RAD51: variants seen among roughly 807,000 people sequenced by gnomAD.
RAD51 encodes the protein RAD51 recombinase.
Under a neutral mutation model 41.5 loss-of-function variants are expected in RAD51, and 14 were observed. The ratio of observed to expected loss-of-function variants is 0.34; its 90% confidence interval spans 0.22 to 0.53. The LOEUF is 0.53. Ranked by LOEUF, RAD51 falls within the 20% of genes least tolerant of loss-of-function variation. RAD51 has a pLI of 0.95. For synonymous variants in RAD51, 136 were observed against 148.6 expected, an observed-to-expected ratio of 0.92 and a Z score of 0.62; for missense variants, 234 against 422.0, an observed-to-expected ratio of 0.55 and a Z score of 3.90.
chr15:40,719,154 T>C (rs1379553026), intron 6 of RAD51, among the ~76,000 whole-genome samples: 1 of 150,638 alleles, frequency 6.6e-6, no homozygotes, highest in African/African-American at 2.4e-5. Context: ...GCCTCCCGGG[T>C]TCAAGCAACT....
intron 1 of RAD51, among the ~76,000 whole-genome samples, chr15:40,698,162 T>C (rs1341147790): frequency 6.6e-6 from 1 of 151,944 alleles, no homozygotes; most frequent in East Asian, 1.9e-4. Context: ...ACTGTTCTAT[T>C]TGTTCCTTGT....
chr15:40,712,471 G>A (rs2141843753), intron 5 of RAD51, among the ~76,000 whole-genome samples: 1 of 152,312 alleles, frequency 6.6e-6, no homozygotes, highest in South Asian at 2.1e-4. Flanking sequence ...GAAGGGAGTA[G>A]GATATAGAAG....
Position 40,726,395 on chromosome 15 carries a change from G to A in RAD51, c.531-2316G>A, listed in dbSNP as rs571867149. On this transcript the variant is annotated intron_variant, in intron 6 of 9. Coordinates refer to ENST00000267868, the MANE Select transcript of RAD51 (RefSeq NM_002875.5). ...GCCTCCCAAGTACCTGGGATTACATGCGTGCACCACCACACCCATCTAATT... is the reference window on the plus strand; with the variant it reads ...GCCTCCCAAGTACCTGGGATTACATACGTGCACCACCACACCCATCTAATT... Among the ~76,000 whole-genome samples the A allele has an allele frequency of 8.6e-5, 13 of 151,898 alleles. No individual in the cohort carries two copies. The East Asian group carries it at 2.4e-3, about 28-fold the overall frequency.
intron 6 of RAD51, among the ~76,000 whole-genome samples, chr15:40,725,513 C>A (rs1468178583): frequency 6.6e-6 from 1 of 152,138 alleles, no homozygotes; most frequent in Non-Finnish European, 1.5e-5. Context: ...TTTTGCCGTG[C>A]CCTGTTGAAG....
chr15:40,702,816 CTT>C (rs45541035), intron 3 of RAD51, among the ~76,000 whole-genome samples: 18 of 140,690 alleles, frequency 1.3e-4, no homozygotes, highest in African/African-American at 1.6e-4. Context: ...CTGTGCCCAC[CTT>C]TTTTTTTTTT....
chr15:40,718,336 G>T (rs1183864375), intron 5 of RAD51, among the ~76,000 whole-genome samples: 11 of 152,136 alleles, frequency 7.2e-5, no homozygotes, highest in Admixed American at 5.2e-4. Context: ...TAGCCAACTT[G>T]GTGAAACCCT....
At chr15:40,707,125 A>T (rs1264405183) in intron 4 of RAD51, among the ~76,000 whole-genome samples, 14 of 140,024 alleles carry the variant, frequency 1.0e-4, no homozygotes, top group African/African-American at 3.8e-4. Flanking sequence ...CCAAGCTAGG[A>T]CTATGATCAT....
intron 5 of RAD51, among the ~76,000 whole-genome samples, chr15:40,714,298 G>T (rs959042425): frequency 3.3e-5 from 5 of 152,190 alleles, no homozygotes; most frequent in African/African-American, 1.2e-4. Flanking sequence ...GGGAATTAGG[G>T]CTGTTTAAAA....
At chr15:40,718,641 G>A (rs562180016) in intron 5 of RAD51, among the ~76,000 whole-genome samples, 164 bp from the exon 6 acceptor site, 3 of 152,140 alleles carry the variant, frequency 2.0e-5, no homozygotes, top group East Asian at 3.9e-4. Flanking sequence ...TTTTCTAGCT[G>A]TATTTCTATT....
Position 40,729,502 on chromosome 15 carries a change from T to C in RAD51, c.645-3T>C. ...GGCTTCAGAGAATCCTTGTTTCCTG[T>C]AGGTATGCACTGCTTATTGTAGACA... is the stretch of plus-strand genomic sequence containing the variant. On this transcript the variant is annotated splice_polypyrimidine_tract_variant and splice_region_variant and intron_variant, in intron 7 of 9. Transcript: ENST00000267868. The C allele has an allele frequency of 6.2e-7, 1 of 1,613,586 alleles. No homozygotes were observed. Among genetic ancestry groups the C allele is most frequent in the South Asian group, 1.1e-5 (1 of 91,018 alleles).
chr15:40,699,204 C>T (rs28696318), intron 2 of RAD51, among the ~76,000 whole-genome samples: 5 of 152,138 alleles, frequency 3.3e-5, no homozygotes, highest in Non-Finnish European at 7.4e-5. Flanking sequence ...AGTGCAATGG[C>T]GTGATCTCGG....
chr15:40,731,205 A>T lies in RAD51; in HGVS notation c.*27A>T. ...TCATTGGGTTTTTCCTCTGTTAAAA[A>T]CCTTAAGTGCTGCAGCCTAATGAGA... On this transcript the variant is annotated 3_prime_UTR_variant, in exon 10 of 10. Coordinates refer to ENST00000267868, the MANE Select transcript of RAD51 (RefSeq NM_002875.5). 1 of 1,613,528 alleles carries T rather than the reference A, an allele frequency of 6.2e-7. No individual in the cohort carries two copies. Among genetic ancestry groups the T allele is most frequent in the Non-Finnish European group, 8.5e-7 (1 of 1,179,752 alleles).
intron 2 of RAD51, among the ~76,000 whole-genome samples, chr15:40,700,737 C>T (rs1894930340): frequency 6.6e-6 from 1 of 152,098 alleles, no homozygotes; most frequent in Non-Finnish European, 1.5e-5. Flanking sequence ...CTCTCTGTAT[C>T]TCCGGATTCT....
At chr15:40,726,927 A>AG (rs1567053648) in intron 6 of RAD51, among the ~76,000 whole-genome samples, 1 of 150,592 alleles carries the variant, frequency 6.6e-6, no homozygotes, top group African/African-American at 2.5e-5. Context: ...AAAAAAAAAA[A>AG]AGAGGATGGT....
At chr15:40,717,265 G>C (rs1473978188) in intron 5 of RAD51, among the ~76,000 whole-genome samples, 3 of 152,098 alleles carry the variant, frequency 2.0e-5, no homozygotes, top group Non-Finnish European at 4.4e-5. Context: ...TTGAACCCGG[G>C]AGGCAGAGGT....
At chr15:40,714,024 TCA>T (rs1463772274) in intron 5 of RAD51, among the ~76,000 whole-genome samples, 1 of 134,244 alleles carries the variant, frequency 7.4e-6, no homozygotes, top group African/African-American at 2.7e-5. Context: ...AGATTGGGTC[TCA>T]CTATGTTGCA....
chr15:40,697,773 G>A (rs533940667), intron 1 of RAD51, among the ~76,000 whole-genome samples: 2 of 150,558 alleles, frequency 1.3e-5, no homozygotes, highest in African/African-American at 2.4e-5. Flanking sequence ...GGATGGTCTC[G>A]ATCTCCTGAC....
In RAD51 at chr15:40,728,715, G is replaced by A. The variant is rs772233325; in HGVS notation, c.535G>A (p.Gly179Ser). 1.5e-5 allele frequency: 24 copies of A among 1,613,424 alleles called. No homozygotes were observed. In the South Asian group the frequency reaches 2.5e-4, roughly 17 times the overall value. Residue 179 changes from glycine (G) to serine (S), a missense_variant, in exon 7 of 10, where the codon GGT becomes AGT. Around this residue, in one of 2 missense-constraint regions of RAD51, gnomAD observed 134 missense variants for 286.5 expected, o/e 0.47. Coordinates refer to ENST00000267868, the MANE Select transcript of RAD51 (RefSeq NM_002875.5). ...ERLLAVAERY[G>S]LSGSDVLDNV... ...ATGTTCTCTCCTCTCTCATAGGTAT[G>A]GTCTCTCTGGCAGTGATGTCCTGGA... is the stretch of plus-strand genomic sequence containing the variant.
intron 6 of RAD51, among the ~76,000 whole-genome samples, chr15:40,726,055 C>T (rs1896564899): frequency 6.6e-6 from 1 of 152,022 alleles, no homozygotes; most frequent in Admixed American, 6.6e-5. Flanking sequence ...GTTTGAAAAC[C>T]ATGACCACAA....
Sources: gnomAD v4.1 joint callset for allele counts (sites outside exome capture counted in the v4.1 genomes callset) on GRCh38, gnomAD v4.1.1 for gene constraint, gnomAD v4.1.1 regional missense constraint, MANE v1.5 for transcripts, NCBI Gene and HGNC (gene_info 2026-07-23, HGNC 2026-07-21) for gene names.